The following KCNK10 variants were observed in gnomAD, a reference collection of about 807,000 sequenced individuals.
KCNK10 encodes potassium two pore domain channel subfamily K member 10, also known as potassium channel subfamily K member 10.
KCNK10 carries 25 observed loss-of-function variants against 47.7 expected under a neutral mutation model. The ratio of observed to expected loss-of-function variants is 0.52; its 90% confidence interval spans 0.38 to 0.73. The LOEUF is 0.73. Among genes scored for constraint, KCNK10 ranks in the 30% least tolerant of loss-of-function variants. The probability of loss-of-function intolerance (pLI) is 0.00; values close to 1 mark genes in which losing one functional copy is unlikely to be tolerated. For synonymous variants in KCNK10, 303 were observed against 285.6 expected (o/e 1.06, Z -0.61); for missense variants, 563 against 714.5 (o/e 0.79, Z 2.42).
intron 4 of KCNK10, among the ~76,000 whole-genome samples, chr14:88,192,862 C>T (rs530870970): frequency 6.6e-6 from 1 of 152,300 alleles, no homozygotes; most frequent in South Asian, 2.1e-4. Flanking sequence ...CACCGTTTCC[C>T]TTGTGTCAAA....
intron 4 of KCNK10, among the ~76,000 whole-genome samples, chr14:88,204,008 G>C (rs181913457): frequency 2.2e-4 from 33 of 152,344 alleles, no homozygotes; most frequent in African/African-American, 7.2e-4. Flanking sequence ...GATTATCAAC[G>C]TGTTAGTGGT....
At chr14:88,234,912 A>C (rs1187114505) in intron 3 of KCNK10, 8 of 306,544 alleles carry the variant, frequency 2.6e-5, no homozygotes, top group East Asian at 1.5e-4. Flanking sequence ...TAAAAAGAAG[A>C]AGCTCAGAAA....
At chr14:88,210,213 C>T (rs769492419) in intron 4 of KCNK10, among the ~76,000 whole-genome samples, 1 of 152,158 alleles carries the variant, frequency 6.6e-6, no homozygotes, top group Non-Finnish European at 1.5e-5. Context: ...AAGAAGTAGA[C>T]ATAGCATGGA....
In KCNK10 at chr14:88,322,211, G is replaced by T. The variant is rs565955232; in HGVS notation, c.52+536C>A. 1.2e-4 allele frequency among the ~76,000 whole-genome samples: 19 copies of T among 152,234 alleles called. No homozygotes were observed. Among genetic ancestry groups the T allele is most frequent in the Non-Finnish European group, 1.8e-4 (12 of 68,032 alleles). On this transcript the variant is annotated intron_variant, in intron 1 of 6. Coordinates refer to ENST00000319231, the MANE Select transcript of KCNK10 (RefSeq NM_138317.3). The surrounding 1 kb of genome is among the most constrained non-coding windows in gnomAD (Gnocchi z 4.8). ...GGTAATAAGATTGAACGAAGACTCA[G>T]GAGGCCCTGTGGGCTCCATTATTCT...
At chr14:88,249,995 C>A (rs1408979776) in intron 2 of KCNK10, among the ~76,000 whole-genome samples, 1 of 152,118 alleles carries the variant, frequency 6.6e-6, no homozygotes, top group East Asian at 1.9e-4. Flanking sequence ...GAGACACCAT[C>A]AAAATCTCAT....
intron 2 of KCNK10, among the ~76,000 whole-genome samples, chr14:88,257,667 C>G (rs555185047): frequency 6.6e-6 from 1 of 152,208 alleles, no homozygotes; most frequent in East Asian, 1.9e-4. Flanking sequence ...CTCCTGCTGC[C>G]TCATTTCCTC....
intron 4 of KCNK10, among the ~76,000 whole-genome samples, chr14:88,221,989 A>G (rs904239925): frequency 6.6e-6 from 1 of 152,244 alleles, no homozygotes; most frequent in Non-Finnish European, 1.5e-5. Flanking sequence ...ACAACTGTAT[A>G]AGTCCGTTTT....
Position 88,294,290 on chromosome 14 carries a change from G to A in KCNK10, c.52+28457C>T, listed in dbSNP as rs139734571. Among the ~76,000 whole-genome samples, 174 of 152,374 alleles carry A rather than the reference G, an allele frequency of 1.1e-3. 3 individuals are homozygous for A. The Middle Eastern group carries it at 0.024, about 21-fold the overall frequency. On this transcript the variant is annotated intron_variant, in intron 1 of 6. Coordinates refer to ENST00000319231, the MANE Select transcript of KCNK10 (RefSeq NM_138317.3). ...ACTTTTGTTTCAGCCTTAGGGAACT[G>A]AGCTTTCGCTCTCCTGAAGGATGTA... is the stretch of plus-strand genomic sequence containing the variant.
At chr14:88,268,331 G>T (rs73328071) in intron 1 of KCNK10, among the ~76,000 whole-genome samples, 4 of 152,186 alleles carry the variant, frequency 2.6e-5, no homozygotes, top group Non-Finnish European at 5.9e-5. Context: ...CAGCTGTGGA[G>T]ATCAGGGCAG....
intron 5 of KCNK10, among the ~76,000 whole-genome samples, chr14:88,189,272 G>A (rs529421855): frequency 4.6e-5 from 7 of 152,150 alleles, no homozygotes; most frequent in African/African-American, 9.7e-5. Flanking sequence ...ACTTCTTAAC[G>A]TTAGAATTCC....
At position 88,198,036 on chromosome 14, in the gene KCNK10, C is replaced by G. The variant is rs552205236; in HGVS notation, c.682-5626G>C. On this transcript the variant is annotated intron_variant, in intron 4 of 6. Transcript: ENST00000319231. ...AGATATTGAAGGCAAAGCTTAGTAC[C>G]TAATGACACCTAGGTGACCAAATAT... is the stretch of plus-strand genomic sequence containing the variant. Among the ~76,000 whole-genome samples the G allele has an allele frequency of 2.6e-5, 4 of 152,334 alleles. No homozygotes were observed. The South Asian group carries it at 6.2e-4, about 24-fold the overall frequency.
chr14:88,240,640 T>C, intron 3 of KCNK10, 63 bp downstream of exon 3: 1 of 1,059,116 alleles, frequency 9.4e-7, no homozygotes, highest in East Asian at 2.4e-5. Context: ...GACAAAACAC[T>C]GACTAAGCGC....
chr14:88,268,090 C>T (rs1887312663), intron 1 of KCNK10, among the ~76,000 whole-genome samples: 1 of 152,078 alleles, frequency 6.6e-6, no homozygotes, highest in Admixed American at 6.5e-5. Context: ...GCTAGAACAG[C>T]CACTAGACTC....
intron 1 of KCNK10, among the ~76,000 whole-genome samples, chr14:88,270,505 C>T (rs141521180): frequency 6.1e-4 from 93 of 152,290 alleles, no homozygotes; most frequent in African/African-American, 2.0e-3. Flanking sequence ...TCCCAAAACG[C>T]CACCCGAGGC....
chr14:88,196,640 CG>C (rs970460282), intron 4 of KCNK10, among the ~76,000 whole-genome samples: 4 of 152,074 alleles, frequency 2.6e-5, no homozygotes, highest in African/African-American at 9.7e-5. Context: ...GCCAGGATGT[CG>C]GGGATTTTAC....
At chr14:88,219,297 G>A (rs1885720684) in intron 4 of KCNK10, among the ~76,000 whole-genome samples, 1 of 152,192 alleles carries the variant, frequency 6.6e-6, no homozygotes, top group Non-Finnish European at 1.5e-5. Context: ...GGAGATAAAA[G>A]AATGCATTCC....
upstream of KCNK10, chr14:88,326,529 C>A (rs1340431862): frequency 2.5e-6 from 3 of 1,181,148 alleles, no homozygotes; most frequent in South Asian, 1.3e-5. Context: ...TTGCTTCAGG[C>A]GGGTTAAGTC....
chr14:88,316,622 T>C (rs1434343810), intron 1 of KCNK10, among the ~76,000 whole-genome samples: 1 of 152,212 alleles, frequency 6.6e-6, no homozygotes, highest in African/African-American at 2.4e-5. Context: ...CCTAACTCAC[T>C]CTAACCTCAT....
intron 4 of KCNK10, among the ~76,000 whole-genome samples, chr14:88,214,850 T>C (rs1298660018): frequency 1.3e-5 from 2 of 152,218 alleles, no homozygotes; most frequent in African/African-American, 4.8e-5. Context: ...GCCATTTTTA[T>C]CTGTCCCCAG....
Sources: allele counts gnomAD v4.1 joint callset (sites outside exome capture counted in the v4.1 genomes callset), GRCh38; gene constraint gnomAD v4.1.1; non-coding constraint Gnocchi (gnomAD v3.1); transcripts MANE v1.5; gene names NCBI Gene and HGNC (gene_info 2026-07-23, HGNC 2026-07-21).